Variants in CTNNA2 observed in about 807,000 individuals in gnomAD.
CTNNA2 encodes the protein catenin alpha 2, also known as catenin alpha-2.
In CTNNA2, 42 loss-of-function variants were observed where a neutral mutation model predicts 101.0. The observed-to-expected ratio is 0.42, with a 90% CI of 0.32 to 0.54. The LOEUF (loss-of-function observed/expected upper bound fraction) is 0.54. Ranked by LOEUF, CTNNA2 falls within the 20% of genes least tolerant of loss-of-function variation. The pLI, the probability that CTNNA2 is intolerant of heterozygous loss-of-function variation, is 0.14. For synonymous variants in CTNNA2, 450 were observed against 456.4 expected (o/e 0.99, Z 0.18); for missense variants, 871 against 1,223.1 (o/e 0.71, Z 4.29).
In CTNNA2 at chr2:80,034,910, C is replaced by T. The variant is rs142043477; in HGVS notation, c.1056+125113C>T. ...TACAAAATTTCAAATTCATATACCG[C>T]TCTGAGAATACAGAGAAATGCTGTC... On this transcript the variant is annotated intron_variant, in intron 7 of 18. Coordinates refer to ENST00000402739, the MANE Select transcript of CTNNA2 (RefSeq NM_001282597.3). 7.8e-3 allele frequency among the ~76,000 whole-genome samples: 1,183 copies of T among 152,292 alleles called. 10 individuals carry two copies. Among genetic ancestry groups the T allele is most frequent in the Middle Eastern group, 0.02 (6 of 294 alleles).
intron 4 of CTNNA2, among the ~76,000 whole-genome samples, chr2:79,868,978 TG>T (rs1376311107): frequency 6.6e-6 from 1 of 152,240 alleles, no homozygotes; most frequent in Non-Finnish European, 1.5e-5. Context: ...TGTCCACAGA[TG>T]GTATAACTTA....
chr2:79,432,017 G>C (rs532591383), intron 4 of CTNNA2, among the ~76,000 whole-genome samples: 18 of 152,304 alleles, frequency 1.2e-4, no homozygotes, highest in Admixed American at 1.0e-3. Context: ...AGATATTATA[G>C]GTGACTTCCA....
intron 7 of CTNNA2, among the ~76,000 whole-genome samples, chr2:80,389,618 A>C (rs1677322044): frequency 1.3e-5 from 2 of 152,204 alleles, no homozygotes; most frequent in Admixed American, 1.3e-4. Flanking sequence ...AAAGTAGGAC[A>C]TAATGGCTTC....
rs1353283390 is a variant in CTNNA2 at position 80,300,281 on chromosome 2, G to GGGGTGT, written c.1057-92929_1057-92928insGGTGTG. Among the ~76,000 whole-genome samples, 548 of 93,128 alleles carry GGGGTGT rather than the reference G, an allele frequency of 5.9e-3. 7 individuals are homozygous for GGGGTGT. The highest frequency in any genetic ancestry group is 9.5e-3 in the Non-Finnish European group (439 of 46,152). 61.1% of individuals were successfully genotyped at this position (93,128 alleles called of 152,430 possible). On this transcript the variant is annotated intron_variant, in intron 7 of 18. Coordinates refer to ENST00000402739, the MANE Select transcript of CTNNA2 (RefSeq NM_001282597.3). ...CAGGAAAAATGAGCTGGGGTGTTGG[G>GGGGTGT]GTGTGTGTGTGTGTGTGTGTGTGTG...
intron 12 of CTNNA2, among the ~76,000 whole-genome samples, chr2:80,563,830 A>AT (rs1286448204): frequency 2.0e-5 from 3 of 152,152 alleles, no homozygotes; most frequent in African/African-American, 7.2e-5. Flanking sequence ...AACCTACCAT[A>AT]TACTGCCAAG....
chr2:79,899,513 T>C (rs1426744852), intron 6 of CTNNA2, among the ~76,000 whole-genome samples: 1 of 152,232 alleles, frequency 6.6e-6, no homozygotes, highest in Non-Finnish European at 1.5e-5. Context: ...TAAATCACTT[T>C]GTCTTTCTAA....
intron 7 of CTNNA2, among the ~76,000 whole-genome samples, chr2:80,145,296 T>C (rs1703263873): frequency 6.6e-6 from 1 of 152,150 alleles, no homozygotes; most frequent in Non-Finnish European, 1.5e-5. Context: ...GGTCCTCTTA[T>C]CTACACTCAA....
chr2:79,416,293 A>G (rs1678481035), intron 4 of CTNNA2, among the ~76,000 whole-genome samples: 1 of 144,650 alleles, frequency 6.9e-6, no homozygotes, highest in African/African-American at 2.6e-5. Context: ...GCCAATAAAA[A>G]GCAATGTCTC....
At chr2:80,326,665 G>A (rs1389971501) in intron 7 of CTNNA2, among the ~76,000 whole-genome samples, 2 of 151,888 alleles carry the variant, frequency 1.3e-5, no homozygotes, top group Non-Finnish European at 2.9e-5. Context: ...AAAAGAGAGG[G>A]GGAGAAGATA....
At chr2:79,344,845 ATAT>A (rs1035356484) in intron 3 of CTNNA2, among the ~76,000 whole-genome samples, 9 of 145,280 alleles carry the variant, frequency 6.2e-5, no homozygotes, top group South Asian at 2.1e-4. Context: ...TATAATACAA[ATAT>A]TATATATATA....
chr2:80,223,956 T>C (rs764653636), intron 7 of CTNNA2, among the ~76,000 whole-genome samples: 1 of 152,022 alleles, frequency 6.6e-6, no homozygotes, highest in Non-Finnish European at 1.5e-5. Context: ...ATATAAGGAG[T>C]TAAGAAGAAA....
chr2:79,562,071 C>G (rs906638157), intron 1 of CTNNA2, among the ~76,000 whole-genome samples: 48 of 151,930 alleles, frequency 3.2e-4, no homozygotes, highest in Non-Finnish European at 8.8e-5. Flanking sequence ...GTATTTTCTT[C>G]TGAGAGTTTT....
chr2:79,363,697 C>T (rs1380282245), intron 3 of CTNNA2, among the ~76,000 whole-genome samples: 2 of 152,180 alleles, frequency 1.3e-5, no homozygotes, highest in African/African-American at 2.4e-5. Flanking sequence ...TCCTTTGCTG[C>T]TCTTAATGCC....
At chr2:79,739,686 A>C (rs995799791) in intron 2 of CTNNA2, among the ~76,000 whole-genome samples, 1 of 152,230 alleles carries the variant, frequency 6.6e-6, no homozygotes, top group African/African-American at 2.4e-5. Context: ...TAAAAAGTCT[A>C]TAAGTACCAT....
In CTNNA2 at chr2:80,291,122, G is replaced by A. The variant is rs552822577; in HGVS notation, c.1057-102089G>A. On this transcript the variant is annotated intron_variant, in intron 7 of 18. Transcript: ENST00000402739. ...GAATCTCAATTCCCTAGTTGCAAAC[G>A]AGAATGTTCCCTCTGACCAAAGATA... Among the ~76,000 whole-genome samples, 27 of 152,318 alleles carry A rather than the reference G, an allele frequency of 1.8e-4. No individual in the cohort carries two copies. In the East Asian group the frequency reaches 5.0e-3, roughly 28 times the overall value.
rs536709254 is a variant in CTNNA2 at position 79,902,904 on chromosome 2, C to T, written c.853-6690C>T. 5.3e-5 allele frequency among the ~76,000 whole-genome samples: 8 copies of T among 152,280 alleles called. No individual in the cohort carries two copies. The East Asian group carries it at 1.5e-3, about 29-fold the overall frequency. On this transcript the variant is annotated intron_variant, in intron 6 of 18. Transcript: ENST00000402739. ...CCTCCCAAAGTGCTGGGATTACGGGCATGAGCCACTGCGCCCGGTCAGCAA... is the reference window on the plus strand; with the variant it reads ...CCTCCCAAAGTGCTGGGATTACGGGTATGAGCCACTGCGCCCGGTCAGCAA...
At chr2:79,914,755 A>G (rs1341539922) in intron 7 of CTNNA2, among the ~76,000 whole-genome samples, 3 of 152,114 alleles carry the variant, frequency 2.0e-5, no homozygotes, top group African/African-American at 7.2e-5. Flanking sequence ...TTACAATTGT[A>G]TATTTTTTTA....
intron 7 of CTNNA2, among the ~76,000 whole-genome samples, chr2:79,942,390 G>A (rs998532393): frequency 6.6e-6 from 1 of 152,098 alleles, no homozygotes; most frequent in Non-Finnish European, 1.5e-5. Flanking sequence ...TGCCTCTCTT[G>A]GTGATATTTT....
intron 1 of CTNNA2, among the ~76,000 whole-genome samples, chr2:79,607,972 CAGGTTGTTTTTTTTTA>C (rs1387720038): frequency 2.0e-5 from 3 of 150,944 alleles, no homozygotes; most frequent in African/African-American, 7.4e-5. Flanking sequence ...AAAACAAAGG[CAGGTTGTTTTTTTTTA>C]ATTAAATCTG....
Sources: gnomAD v4.1 joint callset for allele counts (sites outside exome capture counted in the v4.1 genomes callset) on GRCh38, gnomAD v4.1.1 for gene constraint, MANE v1.5 for transcripts, NCBI Gene and HGNC (gene_info 2026-07-23, HGNC 2026-07-21) for gene names.